Variants in WASHC5 observed in about 807,000 individuals in gnomAD.
The protein encoded by WASHC5 is WASH complex subunit strumpellin.
WASHC5 carries 101 observed loss-of-function variants against 150.4 expected under a neutral mutation model. That is an observed-to-expected ratio of 0.67 (90% CI 0.57 to 0.79). The LOEUF (loss-of-function observed/expected upper bound fraction) is 0.79. WASHC5 is among the 30% of genes least tolerant of loss of function. The pLI is 0.00. For synonymous variants in WASHC5, 467 were observed against 491.2 expected (o/e 0.95, Z 0.65); for missense variants, 1,195 against 1,396.3 (o/e 0.86, Z 2.30).
At chr8:125,050,511 C>T in intron 18 of WASHC5, 53 bp downstream of exon 18, 1 of 1,273,668 alleles carries the variant, frequency 7.9e-7, no homozygotes, top group Non-Finnish European at 1.1e-6. Flanking sequence ...CATTCTAGTC[C>T]ATGCTGCAAG....
chr8:125,036,388 A>AG (rs1374990154), intron 26 of WASHC5, among the ~76,000 whole-genome samples: 1 of 152,360 alleles, frequency 6.6e-6, no homozygotes, highest in East Asian at 1.9e-4. Context: ...TCCACTGTCT[A>AG]GGGCTGGGCA....
rs776661814 is a variant in WASHC5 at position 125,047,235 on chromosome 8, T to C, written c.2476A>G (p.Arg826Gly). 3.7e-6 allele frequency: 6 copies of C among 1,614,144 alleles called. No individual in the cohort carries two copies. Among genetic ancestry groups the C allele is most frequent in the East Asian group, 2.2e-5 (1 of 44,880 alleles). ...ESVTFIGRLC[R>G]EILRITDPKM... ...GGGTCTGTGATCCGCAGGATTTCTC[T>C]GCAGAGTCGACCAATAAACGTTACA... Residue 826 changes from arginine (R) to glycine (G), a missense_variant, in exon 20 of 29, where the codon AGA (arginine) becomes GGA (glycine). By Grantham distance (125) the Arg-to-Gly change is moderately radical. Around this residue, in one of 3 missense-constraint regions of WASHC5, gnomAD observed 997 missense variants for 1,168.1 expected, o/e 0.85. Transcript: ENST00000318410.
intron 9 of WASHC5, among the ~76,000 whole-genome samples, chr8:125,070,247 C>T (rs1816859805): frequency 6.6e-6 from 1 of 152,244 alleles, no homozygotes; most frequent in African/African-American, 2.4e-5. Context: ...TTCTGAACAC[C>T]ATGACTGAAA....
Position 125,076,744 on chromosome 8 carries a change from T to TAAAAAAAAAAAAAAA in WASHC5, c.712-259_712-245dup, listed in dbSNP as rs59580091. On this transcript the variant is annotated intron_variant, in intron 6 of 28. Coordinates refer to ENST00000318410, the MANE Select transcript of WASHC5 (RefSeq NM_014846.4). ...ACCGCTGCAATTCTAAGTCTTTTCTTAAAAAAAAAAAAAAAAAGTCCCATT... is the reference window on the plus strand; with the variant it reads ...ACCGCTGCAATTCTAAGTCTTTTCTTAAAAAAAAAAAAAAAAAAAAAAAAAAAAAAAAGTCCCATT... Among the ~76,000 whole-genome samples the TAAAAAAAAAAAAAAA allele has an allele frequency of 1.6e-3, 205 of 132,192 alleles. 5 individuals are homozygous for TAAAAAAAAAAAAAAA. Among genetic ancestry groups the TAAAAAAAAAAAAAAA allele is most frequent in the African/African-American group, 6.0e-3 (189 of 31,436 alleles). 86.7% of individuals were successfully genotyped at this position (132,192 alleles called of 152,430 possible).
chr8:125,082,273 G>A (rs981063869), intron 4 of WASHC5, 110 bp downstream of exon 4: 5 of 692,204 alleles, frequency 7.2e-6, no homozygotes, highest in African/African-American at 3.6e-5. Flanking sequence ...AGCTCATTTC[G>A]CTTCTCTTTA....
At chr8:125,059,608 G>T in intron 12 of WASHC5, 66 bp from the exon 13 acceptor site, 2 of 1,205,270 alleles carry the variant, frequency 1.7e-6, no homozygotes, top group Non-Finnish European at 1.2e-6. Flanking sequence ...ATTTGTTCTT[G>T]AAAACACTTC....
At position 125,028,670 on chromosome 8, in the gene WASHC5, C is replaced by T; in HGVS notation, c.3373G>A (p.Ala1125Thr). The T allele has an allele frequency of 6.2e-7, 1 of 1,613,908 alleles. No individual in the cohort carries two copies. Among genetic ancestry groups the T allele is most frequent in the Non-Finnish European group, 8.5e-7 (1 of 1,179,818 alleles). The stretch of plus-strand genomic sequence containing the variant: ...ACATAATCCTCCAGGAACAGAAGGG[C>T]ACCCACAACATCTGCAGGAATTTCA... ...IPEIPADVVG[A>T]LLFLEDYVRY... The change falls in exon 28 of 29, where the codon GCC becomes ACC. Residue 1125 changes from alanine (A) to threonine (T), a missense_variant. This residue lies in a region of WASHC5 where 997 missense variants were observed against 1,168.1 expected (regional missense o/e 0.85). Coordinates refer to ENST00000318410, the MANE Select transcript of WASHC5 (RefSeq NM_014846.4).
intron 4 of WASHC5, 77 bp downstream of exon 4, chr8:125,082,306 T>C: frequency 1.2e-6 from 1 of 834,252 alleles, no homozygotes; most frequent in Non-Finnish European, 2.1e-6. Context: ...TCGTATATAT[T>C]TGTGACTTAA....
intron 27 of WASHC5, among the ~76,000 whole-genome samples, chr8:125,029,435 T>TAGC (rs747827559): frequency 1.7e-4 from 26 of 152,062 alleles, no homozygotes; most frequent in Non-Finnish European, 2.9e-5. Context: ...TCATAATAGT[T>TAGC]AGCAGCATTC....
At chr8:125,055,543 C>G (rs750549021) in intron 17 of WASHC5, 48 bp downstream of exon 17, 3 of 1,094,602 alleles carry the variant, frequency 2.7e-6, no homozygotes, top group Non-Finnish European at 4.3e-6. Flanking sequence ...AAAACCCAAA[C>G]AGCTAAGAGT....
Position 125,083,881 on chromosome 8 carries a change from G to A in WASHC5, c.18C>T (p.Ala6=), listed in dbSNP as rs17852424. 5.3e-5 allele frequency: 85 copies of A among 1,613,800 alleles called. No homozygotes were observed. The highest frequency in any genetic ancestry group is 2.0e-4 in the East Asian group (9 of 44,862). MLDFL[A]ENNLCGQAIL... ...TTGCTTGGCCACAGAGGTTGTTCTC[G>A]GCTAGAAAGTCCAACATTGTGAGGC... Residue 6 remains alanine (A), a synonymous_variant, in exon 2 of 29, where the codon GCC becomes GCT. Coordinates refer to ENST00000318410, the MANE Select transcript of WASHC5 (RefSeq NM_014846.4).
At chr8:125,090,637 T>C (rs1586399361) in intron 1 of WASHC5, among the ~76,000 whole-genome samples, 1 of 152,346 alleles carries the variant, frequency 6.6e-6, no homozygotes, top group African/African-American at 2.4e-5. Flanking sequence ...AAAGACATGC[T>C]TTCAAGAATA....
Position 125,063,585 on chromosome 8 carries a change from G to A in WASHC5, c.1345C>T (p.Arg449Trp), listed in dbSNP as rs886062653. ...WEHYKKEGSE[R>W]MTELADVFSG... ...AAGACATCAGCAAGCTCAGTCATCC[G>A]CTCCGAACCCTCTTTCTTGTAATGC... Residue 449 changes from arginine (R) to tryptophan (W), a missense_variant, in exon 11 of 29, where the codon CGG becomes TGG. Arg to Trp is a moderately radical substitution (Grantham distance 101). Transcript: ENST00000318410. 6.8e-6 allele frequency: 11 copies of A among 1,613,626 alleles called. No individual in the cohort carries two copies. The highest frequency in any genetic ancestry group is 4.0e-5 in the African/African-American group (3 of 74,884).
At chr8:125,044,475 AAT>A in intron 21 of WASHC5, 59 bp downstream of exon 21, 3 of 1,587,956 alleles carry the variant, frequency 1.9e-6, no homozygotes, top group Non-Finnish European at 2.6e-6. Flanking sequence ...TGCCCACTAA[AAT>A]ATGTTCTTGC....
chr8:125,072,248 G>A lies in WASHC5; in HGVS notation c.1150+905C>T, dbSNP rs932666328. On this transcript the variant is annotated intron_variant, in intron 9 of 28. Coordinates refer to ENST00000318410, the MANE Select transcript of WASHC5 (RefSeq NM_014846.4). ...AGTCCCAGCTGCTTGCGGGGATTGC[G>A]GAAGTTGTATCGCTTGAGCCCAGGA... 8.0e-5 allele frequency among the ~76,000 whole-genome samples: 12 copies of A among 149,868 alleles called. No individual in the cohort carries two copies. The Middle Eastern group carries it at 0.01, about 127-fold the overall frequency.
chr8:125,059,410 C>A lies in WASHC5; in HGVS notation c.1654G>T (p.Gly552Trp). 6.2e-7 allele frequency: 1 copy of A among 1,614,158 alleles called. No individual in the cohort carries two copies. Among genetic ancestry groups the A allele is most frequent in the South Asian group, 1.1e-5 (1 of 91,080 alleles). Residue 552 changes from glycine to tryptophan, a missense_variant, in exon 13 of 29, where the codon GGG becomes TGG. By Grantham distance (184) the Gly-to-Trp change is radical (BLOSUM62 -2). Around this residue, in one of 3 missense-constraint regions of WASHC5, gnomAD observed 997 missense variants for 1,168.1 expected, o/e 0.85. Transcript: ENST00000318410. ...AACTGCCAAGCGAAAGAAAGGTCCC[C>A]AACGATCTGCATTGTGATCAGAACC... ...EEVLITMQIV[G>W]DLSFAWQLID...
chr8:125,033,186 A>T (rs547708793), intron 26 of WASHC5, among the ~76,000 whole-genome samples: 8 of 152,292 alleles, frequency 5.3e-5, no homozygotes, highest in African/African-American at 1.9e-4. Context: ...GAAAAAGAAC[A>T]GTGTTGGGAA....
chr8:125,069,125 C>T (rs946330013), intron 9 of WASHC5, among the ~76,000 whole-genome samples: 3 of 151,982 alleles, frequency 2.0e-5, no homozygotes, highest in Admixed American at 2.0e-4. Flanking sequence ...AGGGGTCCAC[C>T]CTCATGAATG....
intron 5 of WASHC5, among the ~76,000 whole-genome samples, chr8:125,079,775 G>C (rs1216981241): frequency 6.6e-6 from 1 of 152,076 alleles, no homozygotes; most frequent in African/African-American, 2.4e-5. Flanking sequence ...ACCTATTCCA[G>C]GCAAGTTTTG....
Sources: allele counts gnomAD v4.1 joint callset (sites outside exome capture counted in the v4.1 genomes callset), GRCh38; gene constraint gnomAD v4.1.1; regional missense constraint gnomAD v4.1.1; transcripts MANE v1.5; gene names NCBI Gene and HGNC (gene_info 2026-07-23, HGNC 2026-07-21).